Variants in PPFIA3 observed in about 807,000 individuals in gnomAD.
PPFIA3 encodes the protein liprin-alpha-3.
A neutral mutation model predicts 145.8 loss-of-function variants in PPFIA3; 26 were observed. The ratio of observed to expected loss-of-function variants is 0.18; its 90% CI spans 0.13 to 0.25. The LOEUF is 0.25. Among genes scored for constraint, PPFIA3 ranks in the 10% least tolerant of loss-of-function variants. The pLI is 1.00. For missense variants in PPFIA3, 1,008 were observed against 1,587.8 expected, an observed-to-expected ratio of 0.63 and a Z score of 6.21; for synonymous variants, 645 against 661.4, an observed-to-expected ratio of 0.98 and a Z score of 0.38.
chr19:49,128,331 G>A lies in PPFIA3; in HGVS notation c.241-36G>A. On this transcript the variant is annotated intron_variant, in intron 2 of 29. Transcript: ENST00000334186. This position sits in a 1 kb window ranked among gnomAD's most constrained non-coding sequence, Gnocchi z 4.1. ...GAATGAAGGAGACAGGGAAAGGATT[G>A]AGCCGAATGTCCAGATCCTGCCAAT... 6.2e-7 allele frequency: 1 copy of A among 1,605,876 alleles called. No individual in the cohort carries two copies. Among genetic ancestry groups the A allele is most frequent in the Non-Finnish European group, 8.5e-7 (1 of 1,172,612 alleles).
At chr19:49,143,257 T>TCA (rs1323024323) in intron 21 of PPFIA3, among the ~76,000 whole-genome samples, 1 of 152,250 alleles carries the variant, frequency 6.6e-6, no homozygotes, top group Non-Finnish European at 1.5e-5. Flanking sequence ...CACTCAAATG[T>TCA]CACCACCTCT....
chr19:49,125,367 G>A (rs535532207), intron 1 of PPFIA3: 1 of 152,498 alleles, frequency 6.6e-6, no homozygotes, highest in African/African-American at 2.4e-5. Context: ...TGCCCGCAGG[G>A]AGAGAAGGAA....
At position 49,128,781 on chromosome 19, in the gene PPFIA3, CCCT is replaced by C. The variant is rs1384110767; in HGVS notation, c.343-66_343-64del. Reference sequence around the variant, plus strand: ...CTCCATGTGTCCGCCCTACCTGTCACCCTTTTTCTCACATCTGCCCCTTTTCCC... The same window carrying C: ...CTCCATGTGTCCGCCCTACCTGTCACTTTTCTCACATCTGCCCCTTTTCCC... On this transcript the variant is annotated intron_variant, in intron 3 of 29. Transcript: ENST00000334186. This position sits in a 1 kb window ranked among gnomAD's most constrained non-coding sequence, Gnocchi z 4.1. The C allele has an allele frequency of 2.1e-6, 3 of 1,428,752 alleles. No individual in the cohort carries two copies. The East Asian group carries it at 6.9e-5, about 33-fold the overall frequency. 88.5% of individuals were successfully genotyped at this position (1,428,752 alleles called of 1,614,324 possible).
chr19:49,123,820 C>G (rs865905810), intron 1 of PPFIA3, among the ~76,000 whole-genome samples: 3 of 152,042 alleles, frequency 2.0e-5, no homozygotes, highest in African/African-American at 7.2e-5. Context: ...GGTTCTAGGC[C>G]CATTCATTTT....
In PPFIA3 at chr19:49,142,517, TTCTC is replaced by T. The variant is rs370530869; in HGVS notation, c.2545-279_2545-276del. On this transcript the variant is annotated intron_variant, in intron 20 of 29. Transcript: ENST00000334186. The stretch of plus-strand genomic sequence containing the variant: ...CTTCCTGTCTCTCCCCACCCTCTAT[TTCTC>T]TCTCTCTATTTCTTTCTCTCTCTCT... Among the ~76,000 whole-genome samples, 230 of 149,576 alleles carry T rather than the reference TTCTC, an allele frequency of 1.5e-3. 2 individuals carry two copies. The highest frequency in any genetic ancestry group is 5.2e-3 in the African/African-American group (211 of 40,724).
At position 49,149,674 on chromosome 19, in the gene PPFIA3, C is replaced by T; in HGVS notation, c.3482C>T (p.Ala1161Val). ...AACTTTCGTTCGGCTGCAGCGGGAG[C>T]CCTGGGCTCTCCGGGGCTCCCTCTC... is the stretch of plus-strand genomic sequence containing the variant. Reference protein sequence around the residue: ...PPNFRSAAAGALGSPGLPLRK... With the variant: ...PPNFRSAAAGVLGSPGLPLRK... The change falls in exon 28 of 30, where the codon GCC becomes GTC. Residue 1161 changes from alanine (A) to valine (V), a missense_variant. Around this residue, in one of 11 missense-constraint regions of PPFIA3, gnomAD observed 125 missense variants for 159.3 expected, o/e 0.78. Coordinates refer to ENST00000334186, the MANE Select transcript of PPFIA3 (RefSeq NM_003660.4). This position sits in a 1 kb window ranked among gnomAD's most constrained non-coding sequence, Gnocchi z 5.7. 1 of 1,613,368 alleles carries T rather than the reference C, an allele frequency of 6.2e-7. No homozygotes were observed. Among genetic ancestry groups the T allele is most frequent in the Non-Finnish European group, 8.5e-7 (1 of 1,179,648 alleles).
In PPFIA3 at chr19:49,140,073, G is replaced by A. The variant is rs757174125; in HGVS notation, c.2353G>A (p.Asp785Asn). ...GGGACGAATGGGACCCCCAGGCCGG[G>A]ACAGCTCTTCTCTGGGTGAGTACCT... The part of the protein sequence containing the change: ...EKGRMGPPGR[D>N]SSSLAGTPSD... Residue 785 changes from aspartate (D) to asparagine (N), a missense_variant, in exon 18 of 30, where the codon GAC becomes AAC. Physicochemically the swap from Asp to Asn is conservative, Grantham distance 23. Transcript: ENST00000334186. 1 of 1,614,044 alleles carries A rather than the reference G, an allele frequency of 6.2e-7. No individual in the cohort carries two copies. Among genetic ancestry groups the A allele is most frequent in the Non-Finnish European group, 8.5e-7 (1 of 1,180,032 alleles).
rs566766314 is a variant in PPFIA3 at position 49,122,173 on chromosome 19, C to T, written c.-16+2451C>T. Among the ~76,000 whole-genome samples the T allele has an allele frequency of 1.1e-3, 166 of 151,736 alleles. 1 individual carries two copies. The highest frequency in any genetic ancestry group is 7.1e-4 in the Non-Finnish European group (48 of 67,928). On this transcript the variant is annotated intron_variant, in intron 1 of 29. Coordinates refer to ENST00000334186, the MANE Select transcript of PPFIA3 (RefSeq NM_003660.4). ...TTGGCTCACCACAACCTCTGCCTCC[C>T]GCGTTCAAGCGATTCTCCTGCCTCA...
At chr19:49,145,684 C>T (rs993361103) in intron 21 of PPFIA3, 8 of 522,062 alleles carry the variant, frequency 1.5e-5, no homozygotes, top group Middle Eastern at 4.6e-4. Context: ...AGCGAGGTGA[C>T]GTCATTTGCA....
chr19:49,129,297 TC>T, intron 4 of PPFIA3, 82 bp from the exon 5 acceptor site: 1 of 1,434,192 alleles, frequency 7.0e-7, no homozygotes, highest in African/African-American at 1.4e-5. Context: ...ATCGGATCCG[TC>T]CCAGGGGTGT....
At chr19:49,131,374 G>T (rs2041070445) in intron 7 of PPFIA3, among the ~76,000 whole-genome samples, 1 of 145,728 alleles carries the variant, frequency 6.9e-6, no homozygotes, top group Non-Finnish European at 1.5e-5. Flanking sequence ...CAGTAGAAAT[G>T]GGGTTTCACT....
At chr19:49,148,896 C>T in intron 25 of PPFIA3, 97 bp from the exon 26 acceptor site, 2 of 1,569,082 alleles carry the variant, frequency 1.3e-6, no homozygotes, top group Admixed American at 1.7e-5. Context: ...GCGTGGGGGG[C>T]GTGGCCCGAA....
intron 28 of PPFIA3, 60 bp from the exon 29 acceptor site, chr19:49,150,020 C>A (rs1029454985): frequency 5.8e-6 from 9 of 1,545,786 alleles, no homozygotes; most frequent in Non-Finnish European, 1.8e-6. Flanking sequence ...AGGGAGGAAT[C>A]CTGGAGAGGA....
chr19:49,128,471 G>A lies in PPFIA3; in HGVS notation c.342+3G>A, dbSNP rs370417998. ...AGGCGGAACGGAACAACACGCGGGT[G>A]AGGGGTGTTGAGGGCGGGGCCTAAG... On this transcript the variant is annotated splice_donor_region_variant and intron_variant, in intron 3 of 29. Coordinates refer to ENST00000334186, the MANE Select transcript of PPFIA3 (RefSeq NM_003660.4). The surrounding 1 kb of genome is among the most constrained non-coding windows in gnomAD (Gnocchi z 4.1). 4 of 1,608,288 alleles carry A rather than the reference G, an allele frequency of 2.5e-6. No individual in the cohort carries two copies. The East Asian group carries it at 6.7e-5, about 27-fold the overall frequency.
At chr19:49,146,641 A>T (rs770068954) in intron 23 of PPFIA3, among the ~76,000 whole-genome samples, 2 of 152,164 alleles carry the variant, frequency 1.3e-5, no homozygotes, top group Non-Finnish European at 2.9e-5. Context: ...CTCAAGAAAC[A>T]AGAGGCGGCC....
chr19:49,146,060 G>A lies in PPFIA3; in HGVS notation c.2808+55G>A, dbSNP rs1422340173. ...GTGGCACTAACCTTCTTTGGGGGTGGGGGCGGGGACCGAGTCTGTGGCCAT... is the reference window on the plus strand; with the variant it reads ...GTGGCACTAACCTTCTTTGGGGGTGAGGGCGGGGACCGAGTCTGTGGCCAT... On this transcript the variant is annotated intron_variant, in intron 22 of 29. Coordinates refer to ENST00000334186, the MANE Select transcript of PPFIA3 (RefSeq NM_003660.4). The A allele has an allele frequency of 2.5e-6, 4 of 1,608,026 alleles. No individual in the cohort carries two copies. The South Asian group carries it at 3.3e-5, about 13-fold the overall frequency.
chr19:49,135,528 A>C (rs1379587918), intron 13 of PPFIA3, among the ~76,000 whole-genome samples: 3 of 152,010 alleles, frequency 2.0e-5, no homozygotes, highest in Non-Finnish European at 4.4e-5. Context: ...GCCCACCACC[A>C]CATCCAGCTA....
chr19:49,134,521 G>A (rs1600336009), intron 11 of PPFIA3, 118 bp from the exon 12 acceptor site: 1 of 944,128 alleles, frequency 1.1e-6, no homozygotes, highest in East Asian at 2.4e-5. Context: ...CACCACTTGT[G>A]TCCATCTCAT....
chr19:49,127,250 C>G (rs1402703496), intron 1 of PPFIA3, among the ~76,000 whole-genome samples: 1 of 151,238 alleles, frequency 6.6e-6, no homozygotes, highest in African/African-American at 2.4e-5. Context: ...GGCATGGTGG[C>G]GGGTTCCTGT....
Sources: gnomAD v4.1 joint callset for allele counts (sites outside exome capture counted in the v4.1 genomes callset) on GRCh38, gnomAD v4.1.1 for gene constraint, gnomAD v4.1.1 regional missense constraint, Gnocchi (gnomAD v3.1) non-coding constraint, MANE v1.5 for transcripts, NCBI Gene and HGNC (gene_info 2026-07-23, HGNC 2026-07-21) for gene names.